The following RARB variants were observed in gnomAD, a reference collection of about 807,000 sequenced individuals.
RARB encodes the protein retinoic acid receptor beta, also known as HBV-activated protein.
In RARB, 17 loss-of-function variants were observed where a neutral mutation model predicts 51.9. The observed-to-expected ratio is 0.33, with a 90% CI of 0.22 to 0.49. The LOEUF is 0.49. Ranked by LOEUF, RARB falls within the 20% of genes least tolerant of loss-of-function variation. RARB has a pLI of 0.99. For synonymous variants in RARB, 215 were observed against 195.4 expected (o/e 1.10, Z -0.84); for missense variants, 369 against 550.8 (o/e 0.67, Z 3.30).
intron 5 of RARB, among the ~76,000 whole-genome samples, chr3:25,360,554 G>A (rs563232969): frequency 7.2e-5 from 11 of 152,044 alleles, no homozygotes; most frequent in Admixed American, 3.9e-4. Flanking sequence ...TACTTGATGC[G>A]GTTTCTTAAG....
intron 2 of RARB, among the ~76,000 whole-genome samples, chr3:24,867,288 C>G (rs967172055): frequency 1.3e-5 from 2 of 152,006 alleles, no homozygotes; most frequent in African/African-American, 4.8e-5. Context: ...TAAATATCTC[C>G]CAAAGTTAGT....
At chr3:25,462,143 G>A (rs1218453699) in intron 2 of RARB, among the ~76,000 whole-genome samples, 1 of 152,208 alleles carries the variant, frequency 6.6e-6, no homozygotes, top group Non-Finnish European at 1.5e-5. Context: ...GCTACTGTAT[G>A]TGTGTCATAA....
intron 3 of RARB, among the ~76,000 whole-genome samples, chr3:25,119,484 C>T (rs1453238324): frequency 2.0e-5 from 3 of 151,930 alleles, no homozygotes; most frequent in African/African-American, 4.8e-5. Flanking sequence ...TTAGGATAGT[C>T]CTTGGTACAG....
At chr3:25,062,750 A>C (rs117679623) in intron 3 of RARB, among the ~76,000 whole-genome samples, 2 of 151,906 alleles carry the variant, frequency 1.3e-5, no homozygotes, top group East Asian at 3.9e-4. Flanking sequence ...TTGGTTGCCT[A>C]TGTTTGGGGC....
intron 3 of RARB, among the ~76,000 whole-genome samples, chr3:25,541,368 T>C (rs1699373667): frequency 6.6e-6 from 1 of 152,204 alleles, no homozygotes; most frequent in African/African-American, 2.4e-5. Context: ...GTCTTTTTTC[T>C]GTCTTTCGTT....
chr3:25,146,709 C>T (rs1333476200), intron 4 of RARB, among the ~76,000 whole-genome samples: 1 of 151,382 alleles, frequency 6.6e-6, no homozygotes, highest in Non-Finnish European at 1.5e-5. Context: ...TTAGTAGAGA[C>T]GGGGTTTCAC....
chr3:25,073,398 C>G (rs1698809943), intron 3 of RARB, among the ~76,000 whole-genome samples: 2 of 152,172 alleles, frequency 1.3e-5, no homozygotes, highest in African/African-American at 4.8e-5. Flanking sequence ...AGGATGTTGT[C>G]CCAAGGATGC....
intron 2 of RARB, among the ~76,000 whole-genome samples, chr3:25,031,906 A>G (rs1160021356): frequency 6.6e-6 from 1 of 152,232 alleles, no homozygotes. Flanking sequence ...TAGAATCCAC[A>G]TCAGGAAAAA....
At chr3:25,367,762 C>A (rs1413764111) in intron 5 of RARB, among the ~76,000 whole-genome samples, 1 of 151,006 alleles carries the variant, frequency 6.6e-6, no homozygotes, top group Non-Finnish European at 1.5e-5. Flanking sequence ...GAAGATCGCA[C>A]CCCTGCACTC....
intron 2 of RARB, among the ~76,000 whole-genome samples, chr3:24,869,634 T>C (rs1331959345): frequency 6.6e-6 from 1 of 152,158 alleles, no homozygotes; most frequent in Non-Finnish European, 1.5e-5. Context: ...GGAATTGTGA[T>C]GTTTAAATAT....
intron 3 of RARB, among the ~76,000 whole-genome samples, chr3:25,114,806 G>T (rs887678147): frequency 6.6e-6 from 1 of 152,150 alleles, no homozygotes; most frequent in Admixed American, 6.6e-5. Flanking sequence ...GCAGCTTAAA[G>T]ATAACAGTGG....
At chr3:25,483,791 GC>G (rs1696342145) in intron 2 of RARB, among the ~76,000 whole-genome samples, 1 of 152,142 alleles carries the variant, frequency 6.6e-6, no homozygotes, top group Non-Finnish European at 1.5e-5. Context: ...AGATTGTACT[GC>G]CATTTGCTGA....
At chr3:25,054,850 T>C (rs905916408) in intron 2 of RARB, among the ~76,000 whole-genome samples, 1 of 152,194 alleles carries the variant, frequency 6.6e-6, no homozygotes, top group African/African-American at 2.4e-5. Flanking sequence ...CTGAGAGTTA[T>C]TGAGCTAGTT....
intron 1 of RARB, among the ~76,000 whole-genome samples, chr3:25,445,738 T>G (rs757230818): frequency 1.3e-5 from 2 of 152,138 alleles, no homozygotes; most frequent in Non-Finnish European, 2.9e-5. Flanking sequence ...GAGTTATTAT[T>G]TATAAATTGT....
At chr3:25,238,849 C>T (rs551804490) in intron 5 of RARB, among the ~76,000 whole-genome samples, 49 of 152,086 alleles carry the variant, frequency 3.2e-4, no homozygotes, top group South Asian at 2.1e-3. Context: ...CATGATGGCG[C>T]GTGCCTGTAG....
chr3:25,216,175 G>C (rs1189611728), intron 5 of RARB, among the ~76,000 whole-genome samples: 1 of 152,128 alleles, frequency 6.6e-6, no homozygotes, highest in African/African-American at 2.4e-5. Flanking sequence ...GATGTTACCA[G>C]ACAGCCAATG....
At chr3:25,015,381 A>G (rs1697486088) in intron 2 of RARB, among the ~76,000 whole-genome samples, 1 of 152,166 alleles carries the variant, frequency 6.6e-6, no homozygotes, top group South Asian at 2.1e-4. Context: ...AGAAATGAAT[A>G]TTTCATTGGG....
chr3:25,382,484 A>G (rs1481600415), intron 5 of RARB, among the ~76,000 whole-genome samples: 1 of 152,200 alleles, frequency 6.6e-6, no homozygotes, highest in Non-Finnish European at 1.5e-5. Context: ...CTATGTCCTG[A>G]AGAGCACCAG....
intron 4 of RARB, among the ~76,000 whole-genome samples, chr3:25,573,816 C>A (rs1236450845): frequency 6.6e-6 from 1 of 152,226 alleles, no homozygotes; most frequent in Non-Finnish European, 1.5e-5. Flanking sequence ...AGGCAGCCAA[C>A]TGCGCATCTA....
Sources: allele counts gnomAD v4.1 joint callset (sites outside exome capture counted in the v4.1 genomes callset), GRCh38; gene constraint gnomAD v4.1.1; transcripts MANE v1.5; gene names NCBI Gene and HGNC (gene_info 2026-07-23, HGNC 2026-07-21).